Variants in ZNF398 observed in about 807,000 individuals in gnomAD.
ZNF398 encodes the protein zinc finger protein 398, also known as zinc finger DNA binding protein ZER6.
In ZNF398, 18 loss-of-function variants were observed where a neutral mutation model predicts 41.9. The observed-to-expected ratio is 0.43, with a 90% CI of 0.30 to 0.64. The LOEUF (loss-of-function observed/expected upper bound fraction) is 0.64. Among genes scored for constraint, ZNF398 ranks in the 30% least tolerant of loss-of-function variants. The probability of loss-of-function intolerance (pLI) is 0.14; values close to 1 mark genes in which losing one functional copy is unlikely to be tolerated. For missense variants in ZNF398, 669 were observed against 822.8 expected (o/e 0.81, Z 2.29); for synonymous variants, 260 against 308.8 (o/e 0.84, Z 1.66).
chr7:149,141,600 G>C (rs576951098), intron 2 of ZNF398, among the ~76,000 whole-genome samples: 1 of 151,872 alleles, frequency 6.6e-6, no homozygotes, highest in Non-Finnish European at 1.5e-5. Flanking sequence ...GACTACAGGC[G>C]CCCGCCACCA....
chr7:149,174,834 A>G (rs1291013078), intron 4 of ZNF398, among the ~76,000 whole-genome samples: 1 of 152,170 alleles, frequency 6.6e-6, no homozygotes, highest in Non-Finnish European at 1.5e-5. Context: ...TCAAAAACAA[A>G]CAAACAAACA....
upstream of ZNF398, among the ~76,000 whole-genome samples, chr7:149,145,237 A>G (rs1280415424): frequency 6.6e-6 from 1 of 152,228 alleles, no homozygotes; most frequent in Non-Finnish European, 1.5e-5. Flanking sequence ...CATGTTTGAA[A>G]TGAAGACTTC....
At chr7:149,135,537 A>G (rs1179310158) in intron 2 of ZNF398, among the ~76,000 whole-genome samples, 3 of 152,028 alleles carry the variant, frequency 2.0e-5, no homozygotes, top group Non-Finnish European at 4.4e-5. Context: ...GAGGGATAGA[A>G]GACTACACAC....
intron 4 of ZNF398, among the ~76,000 whole-genome samples, chr7:149,168,451 A>C (rs1043676155): frequency 1.3e-5 from 2 of 152,186 alleles, no homozygotes; most frequent in African/African-American, 2.4e-5. Context: ...GTTCAGCATG[A>C]ATATTATTAA....
At position 149,158,718 on chromosome 7, in the gene ZNF398, C is replaced by T. The variant is rs559125295; in HGVS notation, c.420+4378C>T. ...GCATGGTGGCGCATTCCTCTAATCC[C>T]AGCTACTCGGGAGGCTGAGGCAGGA... On this transcript the variant is annotated intron_variant, in intron 2 of 5. Coordinates refer to ENST00000475153, the MANE Select transcript of ZNF398 (RefSeq NM_170686.3). Among the ~76,000 whole-genome samples the T allele has an allele frequency of 4.6e-5, 7 of 151,260 alleles. No individual in the cohort carries two copies. In the East Asian group the frequency reaches 1.4e-3, roughly 30 times the overall value.
At chr7:149,140,192 A>C (rs913870384) in intron 2 of ZNF398, among the ~76,000 whole-genome samples, 1 of 152,160 alleles carries the variant, frequency 6.6e-6, no homozygotes, top group Non-Finnish European at 1.5e-5. Flanking sequence ...AGGAACTTTC[A>C]AATAGTTACA....
intron 4 of ZNF398, among the ~76,000 whole-genome samples, chr7:149,175,891 G>C (rs1157337396): frequency 6.6e-6 from 1 of 151,940 alleles, no homozygotes; most frequent in Non-Finnish European, 1.5e-5. Flanking sequence ...TTGCCACGTT[G>C]GTCAGGCTCA....
rs139397512 is a variant in ZNF398, at chr7:149,151,892, T to C, written c.25-2053T>C. ...ACCTCTGCCTCCTGGGTTCAAGCAA[T>C]AAGTGGATAACATTTAAACTATCCA... On this transcript the variant is annotated intron_variant, in intron 1 of 5. Transcript: ENST00000475153. Among the ~76,000 whole-genome samples, 879 of 151,548 alleles carry C rather than the reference T, an allele frequency of 5.8e-3. 7 individuals carry two copies. The highest frequency in any genetic ancestry group is 0.021 in the African/African-American group (849 of 41,348).
At chr7:149,132,469 C>G (rs112727601) in intron 2 of ZNF398, among the ~76,000 whole-genome samples, 1 of 152,050 alleles carries the variant, frequency 6.6e-6, no homozygotes, top group Non-Finnish European at 1.5e-5. Context: ...GCTGGGAATA[C>G]AGGCATTAGC....
intron 5 of ZNF398, 26 bp downstream of exon 5, chr7:149,176,607 C>A: frequency 2.0e-6 from 3 of 1,474,748 alleles, no homozygotes; most frequent in Non-Finnish European, 2.8e-6. Context: ...AAGAGGTGTT[C>A]ATGTCCATAT....
upstream of ZNF398, among the ~76,000 whole-genome samples, chr7:149,145,841 T>C (rs1484277534): frequency 6.6e-6 from 1 of 152,034 alleles, no homozygotes; most frequent in Non-Finnish European, 1.5e-5. Context: ...TCTCTGCATA[T>C]AGACTTGCTA....
chr7:149,154,001 A>AC lies in ZNF398; in HGVS notation c.86dup (p.Ala30SerfsTer4). ...CCCTGCAGCCCCTTCCTCTTCCTAC[A>AC]CCCCCAGCAGCAAATGAGGCACACC... On this transcript the variant is annotated frameshift_variant, in exon 2 of 6. Coordinates refer to ENST00000475153, the MANE Select transcript of ZNF398 (RefSeq NM_170686.3). LOFTEE classifies it high-confidence loss of function. 6.2e-7 allele frequency: 1 copy of AC among 1,612,720 alleles called. No homozygotes were observed. The highest frequency in any genetic ancestry group is 8.5e-7 in the Non-Finnish European group (1 of 1,179,710).
chr7:149,126,568 A>C, exon 1 of ZNF398: 1 of 416,544 alleles, frequency 2.4e-6, no homozygotes, highest in Non-Finnish European at 4.3e-6. Flanking sequence ...GGGCAGGTGA[A>C]CATGGAGAGA....
intron 4 of ZNF398, among the ~76,000 whole-genome samples, chr7:149,170,249 C>T (rs1795306481): frequency 1.3e-5 from 2 of 152,192 alleles, no homozygotes; most frequent in Admixed American, 6.5e-5. Flanking sequence ...GCAGACATCA[C>T]AGCGTGAACT....
At chr7:149,150,129 C>G (rs1827075209) in intron 1 of ZNF398, among the ~76,000 whole-genome samples, 2 of 152,262 alleles carry the variant, frequency 1.3e-5, no homozygotes, top group South Asian at 4.1e-4. Flanking sequence ...AAGAAGAAAA[C>G]TTAGATTCGG....
Position 149,180,698 on chromosome 7 carries a change from C to G in ZNF398, c.*897C>G, listed in dbSNP as rs180961754. 118 of 152,272 alleles carry G rather than the reference C, an allele frequency of 7.7e-4. No individual in the cohort carries two copies. The highest frequency in any genetic ancestry group is 2.7e-3 in the African/African-American group (111 of 41,582). 9.4% of individuals were successfully genotyped at this position (152,272 alleles called of 1,614,324 possible). On this transcript the variant is annotated 3_prime_UTR_variant, in exon 6 of 6. Coordinates refer to ENST00000475153, the MANE Select transcript of ZNF398 (RefSeq NM_170686.3). ...AGAGTCGTTCACATCAAATTCTTAT[C>G]TTTTCCAAGCCAGTAAGTTGGCTTC...
intron 4 of ZNF398, among the ~76,000 whole-genome samples, chr7:149,172,251 A>G (rs557975105): frequency 6.6e-6 from 1 of 152,328 alleles, no homozygotes; most frequent in African/African-American, 2.4e-5. Context: ...GGAAAATTCC[A>G]GAAATAATTT....
chr7:149,140,686 T>A (rs183564588), intron 2 of ZNF398, among the ~76,000 whole-genome samples: 71 of 151,924 alleles, frequency 4.7e-4, no homozygotes, highest in African/African-American at 1.6e-3. Flanking sequence ...GCCAGGCCCA[T>A]AAAACACCCT....
chr7:149,135,032 A>G (rs1826680586), intron 2 of ZNF398, among the ~76,000 whole-genome samples: 1 of 152,202 alleles, frequency 6.6e-6, no homozygotes, highest in South Asian at 2.1e-4. Flanking sequence ...ATTATGTTAA[A>G]GACTGTTAGA....
Sources: allele counts gnomAD v4.1 joint callset (sites outside exome capture counted in the v4.1 genomes callset), GRCh38; gene constraint gnomAD v4.1.1; transcripts MANE v1.5; gene names NCBI Gene and HGNC (gene_info 2026-07-23, HGNC 2026-07-21).